DCTN2: variants seen among roughly 807,000 people sequenced by gnomAD.
DCTN2 encodes 50 kDa dynein-associated polypeptide.
A neutral mutation model predicts 55.4 loss-of-function variants in DCTN2; 18 were observed. That is an observed-to-expected ratio of 0.32 (90% CI 0.22 to 0.48). The LOEUF is 0.48. Ranked by LOEUF, DCTN2 falls within the 20% of genes least tolerant of loss-of-function variation. The probability of loss-of-function intolerance (pLI) is 0.99; values close to 1 mark genes in which losing one functional copy is unlikely to be tolerated. For missense variants in DCTN2, 390 were observed against 491.0 expected, an observed-to-expected ratio of 0.79 and a Z score of 1.94; for synonymous variants, 168 against 185.2, an observed-to-expected ratio of 0.91 and a Z score of 0.76.
chr12:57,535,855 C>T lies in DCTN2; in HGVS notation c.106-10G>A, dbSNP rs749057441. The T allele has an allele frequency of 1.9e-6, 3 of 1,608,570 alleles. No individual in the cohort carries two copies. The highest frequency in any genetic ancestry group is 1.7e-5 in the Admixed American group (1 of 59,338). On this transcript the variant is annotated splice_polypyrimidine_tract_variant and intron_variant, in intron 2 of 13. Coordinates refer to ENST00000548249, the MANE Select transcript of DCTN2 (RefSeq NM_001261413.2). ...TGCTTGTCAGCTCCTCCTGCAAGAA[C>T]AGGTAGTTTAGGCCAGGGACACACT...
intron 7 of DCTN2, among the ~76,000 whole-genome samples, 158 bp downstream of exon 7, chr12:57,533,795 C>T (rs1248025558): frequency 1.3e-5 from 2 of 150,162 alleles, no homozygotes; most frequent in African/African-American, 4.9e-5. Context: ...AAGAAAGAAA[C>T]ATAGAGAACA....
intron 2 of DCTN2, chr12:57,541,324 T>C: frequency 6.3e-7 from 1 of 1,595,216 alleles, no homozygotes; most frequent in South Asian, 1.1e-5. Context: ...AGATGGCAGA[T>C]GAAAAAAACA....
At chr12:57,535,317 C>T in intron 4 of DCTN2, 163 bp from the exon 5 acceptor site, 1 of 1,043,280 alleles carries the variant, frequency 9.6e-7, no homozygotes, top group Non-Finnish European at 1.4e-6. Context: ...TGGAGGCTCT[C>T]CAGAACAAAC....
intron 13 of DCTN2, 114 bp from the exon 14 acceptor site, chr12:57,530,889 C>A: frequency 1.1e-6 from 1 of 922,182 alleles, no homozygotes; most frequent in Admixed American, 1.9e-5. Context: ...AATTTGTGGG[C>A]CACAGAGGGG....
At chr12:57,543,426 T>C (rs1880877990) in intron 2 of DCTN2, among the ~76,000 whole-genome samples, 1 of 151,920 alleles carries the variant, frequency 6.6e-6, no homozygotes, top group South Asian at 2.1e-4. Context: ...CACTGTCACT[T>C]GTACTAGGTC....
intron 7 of DCTN2, among the ~76,000 whole-genome samples, chr12:57,533,727 C>T (rs1164983236): frequency 1.3e-5 from 2 of 149,542 alleles, no homozygotes; most frequent in Non-Finnish European, 3.0e-5. Flanking sequence ...GCCAAGATTG[C>T]GCCACTGCAC....
chr12:57,533,705 A>G (rs1367637329), intron 7 of DCTN2, among the ~76,000 whole-genome samples: 1 of 150,880 alleles, frequency 6.6e-6, no homozygotes. Context: ...CGGGAGGCGG[A>G]GCTTGCAGTG....
rs1411765720 is a variant in DCTN2 at position 57,547,008 on chromosome 12, G to A, written c.36+20C>T. 3.9e-6 allele frequency: 5 copies of A among 1,290,714 alleles called. No individual in the cohort carries two copies. Among genetic ancestry groups the A allele is most frequent in the Non-Finnish European group, 4.0e-6 (4 of 1,010,570 alleles). The allele number at this position is 1,290,714 out of a possible 1,614,324, so 80.0% of individuals were successfully genotyped here. A position where few individuals can be genotyped will look rare whatever the true frequency, so the allele number is the denominator to read the frequency against. On this transcript the variant is annotated intron_variant, in intron 1 of 13. Coordinates refer to ENST00000548249, the MANE Select transcript of DCTN2 (RefSeq NM_001261413.2). Reference sequence around the variant, plus strand: ...GTCGGGGGCGCGGTCCTGGGGAGCCGGGGCCGGTCCTGTACTCACAATGCC... The same window carrying A: ...GTCGGGGGCGCGGTCCTGGGGAGCCAGGGCCGGTCCTGTACTCACAATGCC...
chr12:57,537,362 G>GAAAAA (rs56278180), intron 2 of DCTN2, among the ~76,000 whole-genome samples: 6 of 58,084 alleles, frequency 1.0e-4, no homozygotes, highest in African/African-American at 2.2e-4. Context: ...AGAGAGAAAA[G>GAAAAA]AAAAAAAAAA....
At chr12:57,531,300 A>G (rs964837542) in intron 13 of DCTN2, among the ~76,000 whole-genome samples, 1 of 151,886 alleles carries the variant, frequency 6.6e-6, no homozygotes, top group African/African-American at 2.4e-5. Flanking sequence ...GATGGGTGGG[A>G]TCACTTGAGG....
At position 57,532,969 on chromosome 12, in the gene DCTN2, T is replaced by G; in HGVS notation, c.774+15A>C. 6.2e-7 allele frequency: 1 copy of G among 1,601,028 alleles called. No individual in the cohort carries two copies. Among genetic ancestry groups the G allele is most frequent in the Non-Finnish European group, 8.5e-7 (1 of 1,173,940 alleles). ...CCCTCTGTGATCCAAACACTCCAGTTTCTTCCAAACTCACCATGAGACAGG... is the reference window on the plus strand; with the variant it reads ...CCCTCTGTGATCCAAACACTCCAGTGTCTTCCAAACTCACCATGAGACAGG... On this transcript the variant is annotated intron_variant, in intron 9 of 13. Coordinates refer to ENST00000548249, the MANE Select transcript of DCTN2 (RefSeq NM_001261413.2).
chr12:57,531,949 T>A, intron 13 of DCTN2, 66 bp downstream of exon 13: 1 of 1,550,608 alleles, frequency 6.4e-7, no homozygotes, highest in Non-Finnish European at 8.7e-7. Flanking sequence ...CAGAACCCTA[T>A]AACACTGGAG....
chr12:57,538,798 T>C (rs933417976), intron 2 of DCTN2, among the ~76,000 whole-genome samples: 6 of 152,188 alleles, frequency 3.9e-5, no homozygotes, highest in African/African-American at 7.2e-5. Context: ...TCATGAAGCT[T>C]TGCCATTAAC....
chr12:57,533,461 T>C (rs1388126865), intron 7 of DCTN2, among the ~76,000 whole-genome samples, 158 bp from the exon 8 acceptor site: 1 of 151,956 alleles, frequency 6.6e-6, no homozygotes, highest in Non-Finnish European at 1.5e-5. Context: ...TAACCAAAGG[T>C]AGATGGGCGA....
rs555691564 is a variant in DCTN2 at position 57,533,446 on chromosome 12, A to C, written c.670-143T>G. 15 of 812,100 alleles carry C rather than the reference A, an allele frequency of 1.8e-5. No homozygotes were observed. The Middle Eastern group carries it at 1.0e-3, about 57-fold the overall frequency. The allele number at this position is 812,100 out of a possible 1,614,324, so 50.3% of individuals were successfully genotyped here. A position where few individuals can be genotyped will look rare whatever the true frequency, so the allele number is the denominator to read the frequency against. ...AATACATACCTAGCCACAATCTTAA[A>C]ATCCTAACCAAAGGTAGATGGGCGA... On this transcript the variant is annotated intron_variant, in intron 7 of 13. Transcript: ENST00000548249.
chr12:57,541,395 A>G (rs1347515217), intron 2 of DCTN2: 3 of 1,599,160 alleles, frequency 1.9e-6, no homozygotes, highest in Admixed American at 1.7e-5. Flanking sequence ...CAAGGTGGTG[A>G]GGAGGGAGGA....
At chr12:57,530,958 T>C (rs767598722) in intron 13 of DCTN2, among the ~76,000 whole-genome samples, 183 bp from the exon 14 acceptor site, 26 of 152,154 alleles carry the variant, frequency 1.7e-4, no homozygotes, top group Non-Finnish European at 3.7e-4. Context: ...ACGCTTGGGG[T>C]GAGCCCAAGC....
chr12:57,533,977 C>T lies in DCTN2; in HGVS notation c.645G>A (p.Gln215=), dbSNP rs1879990996. 6.2e-7 allele frequency: 1 copy of T among 1,612,594 alleles called. No homozygotes were observed. The highest frequency in any genetic ancestry group is 1.1e-5 in the South Asian group (1 of 90,842). The change falls in exon 7 of 14, where the codon CAG becomes CAA. Residue 215 remains glutamine, a synonymous_variant. Transcript: ENST00000548249. ...CTTTGGCAGCTTGAGAGAACTTGTC[C>T]TGCTCAGGCCGAGAATGTAGTTCAT... is the stretch of plus-strand genomic sequence containing the variant. ...VTYELHSRPE[Q]DKFSQAAKVA... is the part of the protein sequence containing the mutation.
At position 57,538,714 on chromosome 12, in the gene DCTN2, A is replaced by G. The variant is rs749228665; in HGVS notation, c.106-2869T>C. On this transcript the variant is annotated intron_variant, in intron 2 of 13. Coordinates refer to ENST00000548249, the MANE Select transcript of DCTN2 (RefSeq NM_001261413.2). The stretch of plus-strand genomic sequence containing the variant: ...CCTAGCGAAATTTAGGGGCCAAGAA[A>G]TTTCAGCTGGGGTCACCATATACCC... 235 of 584,878 alleles carry G rather than the reference A, an allele frequency of 4.0e-4. 2 individuals are homozygous for G. Among genetic ancestry groups the G allele is most frequent in the South Asian group, 3.1e-3 (161 of 51,698 alleles). The allele number at this position is 584,878 out of a possible 1,614,324, so 36.2% of individuals were successfully genotyped here. A position where few individuals can be genotyped will look rare whatever the true frequency, so the allele number is the denominator to read the frequency against.
Sources: allele counts gnomAD v4.1 joint callset (sites outside exome capture counted in the v4.1 genomes callset), GRCh38; gene constraint gnomAD v4.1.1; transcripts MANE v1.5; gene names NCBI Gene and HGNC (gene_info 2026-07-23, HGNC 2026-07-21).